CNTNAP2: variants seen among roughly 807,000 people sequenced by gnomAD.
CNTNAP2 encodes contactin-associated protein-like 2.
Under a neutral mutation model 155.2 loss-of-function variants are expected in CNTNAP2, and 98 were observed. The ratio of observed to expected loss-of-function variants is 0.63; its 90% confidence interval spans 0.54 to 0.75. The LOEUF (loss-of-function observed/expected upper bound fraction) is 0.75, where lower values mean the gene tolerates loss of function less well. Among genes scored for constraint, CNTNAP2 ranks in the 30% least tolerant of loss-of-function variants. The pLI, the probability that CNTNAP2 is intolerant of heterozygous loss-of-function variation, is 0.00. For missense variants in CNTNAP2, 1,727 were observed against 1,688.1 expected, an observed-to-expected ratio of 1.02 and a Z score of -0.40; for synonymous variants, 651 against 631.2, an observed-to-expected ratio of 1.03 and a Z score of -0.47.
chr7:146,636,712 G>T (rs529144074), intron 1 of CNTNAP2, among the ~76,000 whole-genome samples: 1 of 152,104 alleles, frequency 6.6e-6, no homozygotes, highest in African/African-American at 2.4e-5. Context: ...AGGTCAAATC[G>T]TCTTAATACA....
intron 12 of CNTNAP2, among the ~76,000 whole-genome samples, chr7:147,636,321 C>T (rs765204548): frequency 2.6e-5 from 4 of 152,176 alleles, no homozygotes; most frequent in Non-Finnish European, 5.9e-5. Context: ...GATGAAGTCA[C>T]TTGTCTAGAG....
intron 13 of CNTNAP2, among the ~76,000 whole-genome samples, chr7:147,757,900 A>T (rs538164821): frequency 6.6e-6 from 1 of 152,336 alleles, no homozygotes; most frequent in African/African-American, 2.4e-5. Context: ...TATTGTCTTT[A>T]GCTATCTGTT....
At chr7:147,682,859 G>GT (rs1231365915) in intron 13 of CNTNAP2, among the ~76,000 whole-genome samples, 1 of 151,902 alleles carries the variant, frequency 6.6e-6, no homozygotes, top group Non-Finnish European at 1.5e-5. Flanking sequence ...CCCAGTTAAG[G>GT]TTTTTTGGGT....
intron 1 of CNTNAP2, among the ~76,000 whole-genome samples, chr7:146,479,823 C>G (rs969431009): frequency 6.6e-6 from 1 of 151,938 alleles, no homozygotes; most frequent in African/African-American, 2.4e-5. Flanking sequence ...CTTGCTCTGT[C>G]CCCCGGGCTG....
intron 1 of CNTNAP2, among the ~76,000 whole-genome samples, chr7:146,659,980 C>A (rs945376545): frequency 1.3e-5 from 2 of 152,174 alleles, no homozygotes; most frequent in Non-Finnish European, 2.9e-5. Context: ...AGCAGATTAT[C>A]CCATTGGCAA....
At chr7:146,338,220 G>A (rs1029755916) in intron 1 of CNTNAP2, among the ~76,000 whole-genome samples, 2 of 152,050 alleles carry the variant, frequency 1.3e-5, no homozygotes, top group African/African-American at 4.8e-5. Flanking sequence ...TCCTAGCATT[G>A]CACACGTATT....
chr7:146,642,941 G>T (rs1259404582), intron 1 of CNTNAP2, among the ~76,000 whole-genome samples: 3 of 151,088 alleles, frequency 2.0e-5, no homozygotes, highest in African/African-American at 7.3e-5. Flanking sequence ...GTGTTTTTTG[G>T]CTGCATAAAT....
chr7:148,332,256 A>C (rs1798040546), intron 21 of CNTNAP2, among the ~76,000 whole-genome samples: 1 of 151,940 alleles, frequency 6.6e-6, no homozygotes, highest in African/African-American at 2.4e-5. Context: ...ACTATTGTAG[A>C]GCATTGAATA....
chr7:147,758,417 T>C (rs779488623), intron 13 of CNTNAP2, among the ~76,000 whole-genome samples: 4 of 152,236 alleles, frequency 2.6e-5, no homozygotes, highest in Non-Finnish European at 5.9e-5. Flanking sequence ...CCCTAAGCTC[T>C]GGTTTAGTTT....
At chr7:146,751,540 A>G (rs13239800) in intron 1 of CNTNAP2, among the ~76,000 whole-genome samples, 8,450 of 152,176 alleles carry the variant, frequency 0.056, 331 homozygotes, top group Non-Finnish European at 0.078. Flanking sequence ...ACATGGGTAT[A>G]CATTTATGTT....
At chr7:146,524,286 A>G (rs1584963022) in intron 1 of CNTNAP2, among the ~76,000 whole-genome samples, 1 of 152,242 alleles carries the variant, frequency 6.6e-6, no homozygotes, top group East Asian at 1.9e-4. Flanking sequence ...CTCAAGTCGT[A>G]CCAGAGAGTT....
chr7:147,657,925 A>G (rs1455464332), intron 13 of CNTNAP2, among the ~76,000 whole-genome samples: 1 of 152,168 alleles, frequency 6.6e-6, no homozygotes, highest in Non-Finnish European at 1.5e-5. Flanking sequence ...CTAGTAGCTG[A>G]AATTATATGA....
chr7:147,840,238 C>G (rs1177865050), intron 13 of CNTNAP2, among the ~76,000 whole-genome samples: 1 of 152,064 alleles, frequency 6.6e-6, no homozygotes, highest in Non-Finnish European at 1.5e-5. Flanking sequence ...TGATAGTTAT[C>G]CTAAAAGCCA....
intron 13 of CNTNAP2, among the ~76,000 whole-genome samples, chr7:147,687,925 A>G (rs1454259647): frequency 6.6e-6 from 1 of 152,152 alleles, no homozygotes; most frequent in Non-Finnish European, 1.5e-5. Context: ...TCCATTGAGA[A>G]TGATTCTCAT....
intron 1 of CNTNAP2, among the ~76,000 whole-genome samples, chr7:146,458,355 T>C (rs951765672): frequency 6.6e-6 from 1 of 152,164 alleles, no homozygotes; most frequent in Non-Finnish European, 1.5e-5. Context: ...ATTATTGATA[T>C]CTAATTAATT....
At chr7:146,443,229 A>T (rs199820411) in intron 1 of CNTNAP2, among the ~76,000 whole-genome samples, 35 of 96,606 alleles carry the variant, frequency 3.6e-4, no homozygotes, top group African/African-American at 6.6e-4. Context: ...AAATAAATAA[A>T]TAATAAATAA....
chr7:147,564,225 C>G (rs1800123029), intron 12 of CNTNAP2, among the ~76,000 whole-genome samples: 2 of 152,000 alleles, frequency 1.3e-5, no homozygotes, highest in Non-Finnish European at 2.9e-5. Flanking sequence ...CCCTAAATTT[C>G]TAAATTTCCC....
intron 13 of CNTNAP2, among the ~76,000 whole-genome samples, chr7:147,786,148 G>T (rs1226007204): frequency 6.6e-6 from 1 of 151,458 alleles, no homozygotes; most frequent in African/African-American, 2.4e-5. Flanking sequence ...AAATTAGCTG[G>T]CGCATGCCCA....
intron 1 of CNTNAP2, among the ~76,000 whole-genome samples, chr7:146,423,300 T>G (rs1796039393): frequency 6.6e-6 from 1 of 152,154 alleles, no homozygotes; most frequent in African/African-American, 2.4e-5. Flanking sequence ...ATGAGTAGAT[T>G]TTTTTGTTTC....
Sources: allele counts gnomAD v4.1 joint callset (sites outside exome capture counted in the v4.1 genomes callset), GRCh38; gene constraint gnomAD v4.1.1; transcripts MANE v1.5; gene names NCBI Gene and HGNC (gene_info 2026-07-23, HGNC 2026-07-21).